The following GNL2 variants were observed in gnomAD, a reference collection of about 807,000 sequenced individuals.
GNL2 encodes nucleolar GTP-binding protein 2.
Under a neutral mutation model 92.3 loss-of-function variants are expected in GNL2, and 51 were observed. The ratio of observed to expected loss-of-function variants is 0.55; its 90% CI spans 0.44 to 0.70. GNL2 has a LOEUF of 0.70. Among genes scored for constraint, GNL2 ranks in the 30% least tolerant of loss-of-function variants. The pLI is 0.00. For synonymous variants in GNL2, 283 were observed against 300.6 expected, an observed-to-expected ratio of 0.94 and a Z score of 0.61; for missense variants, 844 against 895.6, an observed-to-expected ratio of 0.94 and a Z score of 0.74.
At chr1:37,577,203 A>G (rs1182715997) in intron 8 of GNL2, among the ~76,000 whole-genome samples, 1 of 152,226 alleles carries the variant, frequency 6.6e-6, no homozygotes, top group Non-Finnish European at 1.5e-5. Context: ...GGGAAAAAGA[A>G]TATGAACAGG....
At chr1:37,587,910 A>AT (rs1370017256) in intron 4 of GNL2, among the ~76,000 whole-genome samples, 6 of 152,304 alleles carry the variant, frequency 3.9e-5, no homozygotes, top group Admixed American at 1.3e-4. Context: ...AAATTCATAG[A>AT]TTTTGTCAAG....
chr1:37,580,732 C>G (rs1643753974), intron 8 of GNL2, among the ~76,000 whole-genome samples: 1 of 152,222 alleles, frequency 6.6e-6, no homozygotes, highest in African/African-American at 2.4e-5. Context: ...GAAGCTCTGA[C>G]AGTTCCCACT....
chr1:37,586,951 G>A (rs759711853), intron 5 of GNL2, among the ~76,000 whole-genome samples: 7 of 152,124 alleles, frequency 4.6e-5, no homozygotes, highest in Non-Finnish European at 8.8e-5. Context: ...AAGAGCAAAT[G>A]ATGAGATTTG....
chr1:37,591,201 C>G (rs986100236), intron 3 of GNL2, among the ~76,000 whole-genome samples: 3 of 152,196 alleles, frequency 2.0e-5, no homozygotes, highest in African/African-American at 7.2e-5. Flanking sequence ...CCAATCACAG[C>G]TGATCAGTCA....
chr1:37,577,645 T>C (rs903878828), intron 8 of GNL2, among the ~76,000 whole-genome samples: 1 of 151,546 alleles, frequency 6.6e-6, no homozygotes, highest in South Asian at 2.1e-4. Context: ...ATAGAAAAAC[T>C]AAAGATCCAG....
chr1:37,592,628 CCTG>C (rs1286814725), intron 3 of GNL2, 81 bp downstream of exon 3: 20 of 755,064 alleles, frequency 2.6e-5, no homozygotes, highest in South Asian at 4.8e-5. Flanking sequence ...ACCAAAAACT[CCTG>C]CTGTTTAGAC....
chr1:37,582,477 T>C (rs551240168), intron 7 of GNL2, 141 bp from the exon 8 acceptor site: 4 of 595,798 alleles, frequency 6.7e-6, no homozygotes. Flanking sequence ...TTTGAAATGT[T>C]TTTTCCAAGT....
chr1:37,572,808 C>T (rs1643615869), intron 12 of GNL2, among the ~76,000 whole-genome samples: 1 of 152,186 alleles, frequency 6.6e-6, no homozygotes, highest in South Asian at 2.1e-4. Context: ...TAGCCTGAAG[C>T]TGCCATCTGA....
intron 5 of GNL2, among the ~76,000 whole-genome samples, chr1:37,585,025 T>C (rs1314229378): frequency 1.4e-5 from 2 of 148,136 alleles, no homozygotes; most frequent in Non-Finnish European, 3.0e-5. Context: ...GAGATTGCAG[T>C]GAGCCGAGAT....
At position 37,568,288 on chromosome 1, in the gene GNL2, A is replaced by C. The variant is rs1643538838; in HGVS notation, c.1938T>G (p.Asp646Glu). Reference sequence around the variant, plus strand: ...ATTTAACTTCACCTCTGTCATCTACATCTTCTTCCAGTGTTTTTCTTTGTT... The same window carrying C: ...ATTTAACTTCACCTCTGTCATCTACCTCTTCTTCCAGTGTTTTTCTTTGTT... ...PEEQRKTLEE[D>E]VDDRAPSKKG... The change falls in exon 14 of 16, where the codon GAT becomes GAG. Residue 646 changes from aspartate (D) to glutamate (E), a missense_variant. Coordinates refer to ENST00000373062, the MANE Select transcript of GNL2 (RefSeq NM_013285.3). 1.9e-6 allele frequency: 3 copies of C among 1,593,996 alleles called. No homozygotes were observed. The highest frequency in any genetic ancestry group is 3.3e-5 in the Admixed American group (2 of 59,978).
intron 12 of GNL2, chr1:37,570,301 G>A (rs1475830366): frequency 6.6e-6 from 1 of 152,208 alleles, no homozygotes; most frequent in Non-Finnish European, 1.5e-5. Context: ...GGAGGCCAAG[G>A]TGGGCAGATC....
chr1:37,587,410 G>A lies in GNL2; in HGVS notation c.470C>T (p.Ala157Val). 1.2e-6 allele frequency: 2 copies of A among 1,612,940 alleles called. No homozygotes were observed. The highest frequency in any genetic ancestry group is 1.7e-6 in the Non-Finnish European group (2 of 1,178,988). ...TTCGATAAGAGACTGCATATCACTT[G>A]CAAATAAGTTTGGTCGTTTCCTCTG... Reference protein sequence around the residue: ...KSQRKRPNLFASDMQSLIENA... With the variant: ...KSQRKRPNLFVSDMQSLIENA... The change falls in exon 5 of 16, where the codon GCA (alanine) becomes GTA (valine). Residue 157 changes from alanine to valine, a missense_variant. Physicochemically the swap from Ala to Val is moderately conservative, Grantham distance 64. Coordinates refer to ENST00000373062, the MANE Select transcript of GNL2 (RefSeq NM_013285.3).
chr1:37,592,328 T>C (rs1289494492), intron 3 of GNL2, among the ~76,000 whole-genome samples: 1 of 152,112 alleles, frequency 6.6e-6, no homozygotes, highest in Non-Finnish European at 1.5e-5. Flanking sequence ...TAAGAAGTAT[T>C]TCAGAGGAAC....
At chr1:37,573,054 C>G (rs1643618876) in intron 12 of GNL2, among the ~76,000 whole-genome samples, 1 of 152,190 alleles carries the variant, frequency 6.6e-6, no homozygotes, top group Admixed American at 6.5e-5. Flanking sequence ...CCAGAAGAGT[C>G]TGTGGCCAAC....
chr1:37,573,323 G>A (rs1557638113), intron 12 of GNL2, among the ~76,000 whole-genome samples: 1 of 152,206 alleles, frequency 6.6e-6, no homozygotes, highest in African/African-American at 2.4e-5. Context: ...TGGACCCAAC[G>A]ACACTAGCAA....
At chr1:37,593,982 C>A in intron 1 of GNL2, 136 bp from the exon 2 acceptor site, 1 of 601,216 alleles carries the variant, frequency 1.7e-6, no homozygotes, top group Non-Finnish European at 3.0e-6. Flanking sequence ...CTACTTTCTC[C>A]ATATGTTGCT....
At chr1:37,587,639 C>A in intron 4 of GNL2, 144 bp from the exon 5 acceptor site, 1 of 519,482 alleles carries the variant, frequency 1.9e-6, no homozygotes, top group Non-Finnish European at 3.4e-6. Context: ...TGGTTTCAGT[C>A]TGGTTTCAAA....
At chr1:37,581,947 G>A (rs1438841942) in intron 8 of GNL2, among the ~76,000 whole-genome samples, 1 of 151,668 alleles carries the variant, frequency 6.6e-6, no homozygotes, top group Non-Finnish European at 1.5e-5. Flanking sequence ...ACAGGTGTGA[G>A]CCACCGCGCC....
chr1:37,575,097 T>C lies in GNL2; in HGVS notation c.1144-274A>G, dbSNP rs529979325. 6.6e-6 allele frequency among the ~76,000 whole-genome samples: 1 copy of C among 152,198 alleles called. No homozygotes were observed. The highest frequency in any genetic ancestry group is 2.4e-5 in the African/African-American group (1 of 41,444). ...CACAGTTTAAACTTGGAATGCTTCATGTTACTCACTTGCAGAAATGGTTAA... is the reference window on the plus strand; with the variant it reads ...CACAGTTTAAACTTGGAATGCTTCACGTTACTCACTTGCAGAAATGGTTAA... On this transcript the variant is annotated intron_variant, in intron 10 of 15. Coordinates refer to ENST00000373062, the MANE Select transcript of GNL2 (RefSeq NM_013285.3). The surrounding 1 kb of genome is among the most constrained non-coding windows in gnomAD (Gnocchi z 4.1).
Sources: allele counts gnomAD v4.1 joint callset (sites outside exome capture counted in the v4.1 genomes callset), GRCh38; gene constraint gnomAD v4.1.1; non-coding constraint Gnocchi (gnomAD v3.1); transcripts MANE v1.5; gene names NCBI Gene and HGNC (gene_info 2026-07-23, HGNC 2026-07-21).